The following FDFT1 variants were observed in gnomAD, a reference collection of about 807,000 sequenced individuals.
The protein encoded by FDFT1 is squalene synthase.
A neutral mutation model predicts 46.8 loss-of-function variants in FDFT1; 68 were observed. The observed-to-expected ratio is 1.45, with a 90% CI of 1.19 to 1.78. The LOEUF (loss-of-function observed/expected upper bound fraction) is 1.78. FDFT1 is among the 40% of genes most tolerant of loss of function. FDFT1 has a pLI of 0.00. For synonymous variants in FDFT1, 351 were observed against 185.1 expected, an observed-to-expected ratio of 1.90 and a Z score of -7.28; for missense variants, 928 against 524.4, an observed-to-expected ratio of 1.77 and a Z score of -7.52.
rs117087024 is a variant in FDFT1 at position 11,811,757 on chromosome 8, C to G, written c.381+1907C>G. Among the ~76,000 whole-genome samples, 5 of 152,322 alleles carry G rather than the reference C, an allele frequency of 3.3e-5. No homozygotes were observed. The South Asian group carries it at 1.0e-3, about 32-fold the overall frequency. On this transcript the variant is annotated intron_variant, in intron 3 of 7. Transcript: ENST00000220584. ...GGGAGCAGAAGGCGTAAGCCAGGCA[C>G]GGCTGTTTTCACTGTTGTTCACCTT...
At chr8:11,799,903 G>A (rs1214818541), upstream of FDFT1, among the ~76,000 whole-genome samples, 1 of 144,858 alleles carries the variant, frequency 6.9e-6, no homozygotes, top group Non-Finnish European at 1.5e-5. Context: ...CCAAGATCGC[G>A]CCACTGCACT....
At chr8:11,802,370 G>T (rs745572618), upstream of FDFT1, 41 of 451,358 alleles carry the variant, frequency 9.1e-5, no homozygotes, top group Non-Finnish European at 1.7e-4. Context: ...CTGCTCTCCC[G>T]ACTGCGGACC....
intron 6 of FDFT1, 24 bp from the exon 7 acceptor site, chr8:11,831,494 T>C (rs1037649613): frequency 6.2e-7 from 1 of 1,601,706 alleles, no homozygotes; most frequent in East Asian, 2.3e-5. Flanking sequence ...TCTTCTTTTT[T>C]CCCTCTCTTC....
chr8:11,799,360 C>T (rs549359177), upstream of FDFT1, among the ~76,000 whole-genome samples: 26 of 152,328 alleles, frequency 1.7e-4, no homozygotes, highest in Admixed American at 7.8e-4. Context: ...TATTGCTTAT[C>T]TCAAGGCCAG....
At chr8:11,815,430 T>C (rs1042056118) in intron 3 of FDFT1, among the ~76,000 whole-genome samples, 4 of 152,342 alleles carry the variant, frequency 2.6e-5, no homozygotes, top group African/African-American at 9.6e-5. Flanking sequence ...TTCTAGATCC[T>C]TGGGGAATCA....
At chr8:11,818,022 A>ACT (rs1808703357) in intron 3 of FDFT1, among the ~76,000 whole-genome samples, 1 of 151,992 alleles carries the variant, frequency 6.6e-6, no homozygotes, top group Non-Finnish European at 1.5e-5. Context: ...CCCTCTACAC[A>ACT]CTGCTTTAAA....
At chr8:11,805,679 C>T (rs1290435766) in intron 1 of FDFT1, among the ~76,000 whole-genome samples, 1 of 152,222 alleles carries the variant, frequency 6.6e-6, no homozygotes, top group Non-Finnish European at 1.5e-5. Context: ...GGCTCAGAAT[C>T]ACTTGGCAGC....
chr8:11,823,354 T>A (rs773253237), intron 4 of FDFT1, among the ~76,000 whole-genome samples: 2 of 152,248 alleles, frequency 1.3e-5, no homozygotes, highest in East Asian at 3.8e-4. Flanking sequence ...TCAAATATAT[T>A]TTTGGATAGT....
chr8:11,815,524 A>G (rs7818816), intron 3 of FDFT1, among the ~76,000 whole-genome samples: 33,131 of 152,154 alleles, frequency 0.22, 4,383 homozygotes, highest in African/African-American at 0.36. Flanking sequence ...CATCCTCTCC[A>G]GCATCTGTTG....
At chr8:11,803,200 C>G (rs895666310) in intron 1 of FDFT1, 2 of 1,407,052 alleles carry the variant, frequency 1.4e-6, no homozygotes, top group African/African-American at 1.4e-5. Context: ...CCGTTTCGTC[C>G]CCTCCGTGAG....
chr8:11,799,639 T>G (rs1225783760), upstream of FDFT1, among the ~76,000 whole-genome samples: 2 of 152,250 alleles, frequency 1.3e-5, no homozygotes, highest in African/African-American at 4.8e-5. Flanking sequence ...GCTTTTTCCC[T>G]GGTGCTGGAA....
At position 11,809,663 on chromosome 8, in the gene FDFT1, A is replaced by G; in HGVS notation, c.198-4A>G. On this transcript the variant is annotated splice_polypyrimidine_tract_variant and splice_region_variant and intron_variant, in intron 2 of 7. Coordinates refer to ENST00000220584, the MANE Select transcript of FDFT1 (RefSeq NM_004462.5). ...ATATATTAATAGTTTTCCCTTTTTT[A>G]CAGCAACGCAGTGTGCATATTTTAT... is the stretch of plus-strand genomic sequence containing the variant. 6.3e-7 allele frequency: 1 copy of G among 1,581,908 alleles called. No homozygotes were observed. The highest frequency in any genetic ancestry group is 8.6e-7 in the Non-Finnish European group (1 of 1,167,290).
upstream of FDFT1, among the ~76,000 whole-genome samples, chr8:11,799,818 T>G (rs540978659): frequency 4.0e-5 from 6 of 151,896 alleles, no homozygotes; most frequent in African/African-American, 1.2e-4. Flanking sequence ...TGGTGGTACA[T>G]GCCTGTAGTT....
At chr8:11,819,049 TG>T (rs2130795309) in intron 3 of FDFT1, among the ~76,000 whole-genome samples, 1 of 152,298 alleles carries the variant, frequency 6.6e-6, no homozygotes, top group African/African-American at 2.4e-5. Flanking sequence ...GCAGGCCTGG[TG>T]GTGACAAAAT....
chr8:11,810,530 C>T (rs1370198242), intron 3 of FDFT1, among the ~76,000 whole-genome samples: 1 of 152,172 alleles, frequency 6.6e-6, no homozygotes, highest in Non-Finnish European at 1.5e-5. Flanking sequence ...ATATAAAGTA[C>T]TTAGTGCCTG....
At chr8:11,831,294 T>G (rs1490258243) in intron 6 of FDFT1, among the ~76,000 whole-genome samples, 1 of 152,252 alleles carries the variant, frequency 6.6e-6, no homozygotes, top group East Asian at 1.9e-4. Flanking sequence ...ATTATAGAAT[T>G]GTTTTAGACT....
At position 11,808,562 on chromosome 8, in the gene FDFT1, G is replaced by A. The variant is rs181750463; in HGVS notation, c.100-232G>A. 3 of 1,366,546 alleles carry A rather than the reference G, an allele frequency of 2.2e-6. No homozygotes were observed. In the South Asian group the frequency reaches 5.2e-5, roughly 24 times the overall value. The allele number at this position is 1,366,546 out of a possible 1,614,324, so 84.7% of individuals were successfully genotyped here. On this transcript the variant is annotated intron_variant, in intron 1 of 7. Coordinates refer to ENST00000220584, the MANE Select transcript of FDFT1 (RefSeq NM_004462.5). Reference sequence around the variant, plus strand: ...GCACCAAGGCCATGGCCCTCTTCAAGCGCACCTTGGTGCTGAGTCCCGCCG... The same window carrying A: ...GCACCAAGGCCATGGCCCTCTTCAAACGCACCTTGGTGCTGAGTCCCGCCG...
chr8:11,819,340 C>G (rs896172937), intron 3 of FDFT1, among the ~76,000 whole-genome samples: 1 of 152,114 alleles, frequency 6.6e-6, no homozygotes, highest in African/African-American at 2.4e-5. Flanking sequence ...GATTGCGCTT[C>G]TCGAGGAATA....
upstream of FDFT1, among the ~76,000 whole-genome samples, chr8:11,797,574 C>G (rs1284669546): frequency 7.7e-6 from 1 of 129,832 alleles, no homozygotes; most frequent in Non-Finnish European, 1.6e-5. Context: ...TGGGAAGATC[C>G]TTAATCCTAG....
Sources: gnomAD v4.1 joint callset for allele counts (sites outside exome capture counted in the v4.1 genomes callset) on GRCh38, gnomAD v4.1.1 for gene constraint, MANE v1.5 for transcripts, NCBI Gene and HGNC (gene_info 2026-07-23, HGNC 2026-07-21) for gene names.